The following BBX variants were observed in gnomAD, a reference collection of about 807,000 sequenced individuals.
The protein encoded by BBX is HMG box transcription factor BBX.
BBX carries 30 observed loss-of-function variants against 100.2 expected under a neutral mutation model. The ratio of observed to expected loss-of-function variants is 0.30; its 90% CI spans 0.22 to 0.41. The LOEUF is 0.41. Ranked by LOEUF, BBX falls within the 10% of genes least tolerant of loss-of-function variation. The pLI is 1.00. For synonymous variants in BBX, 376 were observed against 388.1 expected (o/e 0.97, Z 0.37); for missense variants, 1,023 against 1,129.8 (o/e 0.91, Z 1.35).
intron 13 of BBX, among the ~76,000 whole-genome samples, chr3:107,788,065 C>T (rs961281631): frequency 2.6e-5 from 4 of 152,150 alleles, no homozygotes; most frequent in Non-Finnish European, 5.9e-5. Flanking sequence ...TATAAGAGGT[C>T]TGGCTGGGGT....
chr3:107,546,337 A>T (rs1051295250), intron 2 of BBX, among the ~76,000 whole-genome samples: 1 of 152,178 alleles, frequency 6.6e-6, no homozygotes, highest in African/African-American at 2.4e-5. Context: ...TAAATCTAGG[A>T]AATTTTAGTT....
intron 3 of BBX, among the ~76,000 whole-genome samples, chr3:107,650,753 C>T (rs535302553): frequency 2.0e-4 from 30 of 152,246 alleles, no homozygotes; most frequent in Middle Eastern, 3.4e-3. Flanking sequence ...AATATAAACT[C>T]TGCATCTTTA....
At position 107,778,295 on chromosome 3, in the gene BBX, C is replaced by G. The variant is rs1057239291; in HGVS notation, c.2055-76C>G. The G allele has an allele frequency of 1.0e-5, 16 of 1,554,114 alleles. No individual in the cohort carries two copies. The African/African-American group carries it at 2.1e-4, about 20-fold the overall frequency. Reference sequence around the variant, plus strand: ...AGACCCTGTTTTCAAATAGAATATCCTAAAATATATTTCATGTCACTTTCT... The same window carrying G: ...AGACCCTGTTTTCAAATAGAATATCGTAAAATATATTTCATGTCACTTTCT... On this transcript the variant is annotated intron_variant, in intron 12 of 17. Coordinates refer to ENST00000325805, the MANE Select transcript of BBX (RefSeq NM_001142568.3).
At chr3:107,631,476 G>C (rs1254679840) in intron 2 of BBX, among the ~76,000 whole-genome samples, 2 of 151,834 alleles carry the variant, frequency 1.3e-5, no homozygotes, top group African/African-American at 4.8e-5. Context: ...TTTTGTGTTT[G>C]ATACATAGTG....
intron 3 of BBX, chr3:107,661,937 C>G (rs184855800): frequency 2.1e-6 from 2 of 974,808 alleles, no homozygotes; most frequent in African/African-American, 3.5e-5. Flanking sequence ...GCGAATTGTT[C>G]CACTGTAGTA....
rs5851557 is a variant in BBX, at chr3:107,541,820, A to AT, written c.-84+15436dup. 9.9e-3 allele frequency among the ~76,000 whole-genome samples: 1,436 copies of AT among 144,888 alleles called. 24 individuals are homozygous for AT. Among genetic ancestry groups the AT allele is most frequent in the African/African-American group, 0.032 (1,254 of 39,658 alleles). The stretch of plus-strand genomic sequence containing the variant: ...TAAAGAAGTATAAGCAAATTCTATA[A>AT]TTTTTTTTTTTTTTAAGAGATGGAG... On this transcript the variant is annotated intron_variant, in intron 2 of 17. Transcript: ENST00000325805.
chr3:107,715,734 G>C (rs769848195), intron 4 of BBX, among the ~76,000 whole-genome samples: 3 of 152,258 alleles, frequency 2.0e-5, no homozygotes, highest in African/African-American at 7.2e-5. Flanking sequence ...AAGACTAGGC[G>C]TAGGCCAAAG....
intron 6 of BBX, among the ~76,000 whole-genome samples, chr3:107,730,087 T>TA (rs1398933205): frequency 2.6e-5 from 4 of 151,994 alleles, no homozygotes; most frequent in Non-Finnish European, 2.9e-5. Flanking sequence ...ACCCTGCCTC[T>TA]AAAAAATGAA....
chr3:107,611,297 G>A (rs995433066), intron 2 of BBX, among the ~76,000 whole-genome samples: 2 of 152,058 alleles, frequency 1.3e-5, no homozygotes, highest in African/African-American at 4.8e-5. Flanking sequence ...TATTATAATA[G>A]TCTGTGTTTT....
At chr3:107,692,090 C>T (rs996916187) in intron 3 of BBX, among the ~76,000 whole-genome samples, 1 of 151,846 alleles carries the variant, frequency 6.6e-6, no homozygotes. Flanking sequence ...TGATTCTTAA[C>T]TAAATCATTG....
At chr3:107,594,278 A>G (rs991253948) in intron 2 of BBX, among the ~76,000 whole-genome samples, 2 of 152,046 alleles carry the variant, frequency 1.3e-5, no homozygotes, top group African/African-American at 2.4e-5. Flanking sequence ...CATTTAGTTC[A>G]TCCATTCCGC....
chr3:107,756,743 G>T (rs1309002691), intron 10 of BBX, among the ~76,000 whole-genome samples: 1 of 152,150 alleles, frequency 6.6e-6, no homozygotes, highest in Non-Finnish European at 1.5e-5. Context: ...CACGCTTCTT[G>T]TGTAAGACAA....
intron 2 of BBX, among the ~76,000 whole-genome samples, chr3:107,558,359 G>C (rs1176309344): frequency 6.6e-6 from 1 of 152,152 alleles, no homozygotes; most frequent in East Asian, 1.9e-4. Flanking sequence ...GTGGTGGCTT[G>C]CATCTGTAAT....
At chr3:107,683,911 T>A (rs193294421) in intron 3 of BBX, among the ~76,000 whole-genome samples, 34 of 152,330 alleles carry the variant, frequency 2.2e-4, no homozygotes, top group African/African-American at 6.5e-4. Flanking sequence ...TTATTTTTTC[T>A]TACCCAGAAA....
chr3:107,685,274 C>G (rs1014591449), intron 3 of BBX, among the ~76,000 whole-genome samples: 1 of 152,070 alleles, frequency 6.6e-6, no homozygotes, highest in African/African-American at 2.4e-5. Context: ...GGTTCTTGTT[C>G]GTGGAATCAG....
chr3:107,558,512 A>G (rs1012671226), intron 2 of BBX, among the ~76,000 whole-genome samples: 1 of 152,108 alleles, frequency 6.6e-6, no homozygotes, highest in African/African-American at 2.4e-5. Context: ...ACAGGGGGCT[A>G]TCTTCATACT....
intron 5 of BBX, among the ~76,000 whole-genome samples, chr3:107,721,439 C>A (rs2062521551): frequency 6.6e-6 from 1 of 151,906 alleles, no homozygotes; most frequent in Admixed American, 6.6e-5. Flanking sequence ...CCTCCGTCAG[C>A]CCCTTTTGGC....
intron 3 of BBX, among the ~76,000 whole-genome samples, chr3:107,701,707 T>C (rs1354732733): frequency 3.9e-5 from 6 of 152,184 alleles, no homozygotes; most frequent in Non-Finnish European, 8.8e-5. Flanking sequence ...CTTGCCAATG[T>C]CATGCTTATG....
At chr3:107,763,362 T>C (rs1361351174) in intron 10 of BBX, among the ~76,000 whole-genome samples, 2 of 152,162 alleles carry the variant, frequency 1.3e-5, no homozygotes, top group African/African-American at 4.8e-5. Context: ...ACTTTTTATC[T>C]AGTACACCTA....
Sources: gnomAD v4.1 joint callset for allele counts (sites outside exome capture counted in the v4.1 genomes callset) on GRCh38, gnomAD v4.1.1 for gene constraint, MANE v1.5 for transcripts, NCBI Gene and HGNC (gene_info 2026-07-23, HGNC 2026-07-21) for gene names.